ANKRD6: variants seen among roughly 807,000 people sequenced by gnomAD.
ANKRD6 encodes the protein ankyrin repeat domain-containing protein 6.
In ANKRD6, 56 loss-of-function variants were observed where a neutral mutation model predicts 82.3. The observed-to-expected ratio is 0.68, with a 90% CI of 0.55 to 0.85. The LOEUF is 0.85. Among genes scored for constraint, ANKRD6 ranks in the 40% least tolerant of loss-of-function variants. The pLI, the probability that ANKRD6 is intolerant of heterozygous loss-of-function variation, is 0.00. For synonymous variants in ANKRD6, 347 were observed against 352.1 expected (o/e 0.99, Z 0.16); for missense variants, 852 against 907.6 (o/e 0.94, Z 0.79).
intron 1 of ANKRD6, among the ~76,000 whole-genome samples, chr6:89,560,122 A>G (rs1024451629): frequency 2.0e-5 from 3 of 152,220 alleles, no homozygotes; most frequent in African/African-American, 7.2e-5. Flanking sequence ...CCTTGAGCCT[A>G]TAACAGCAAT....
At chr6:89,486,689 G>T (rs1777419143) in intron 1 of ANKRD6, among the ~76,000 whole-genome samples, 2 of 151,952 alleles carry the variant, frequency 1.3e-5, no homozygotes, top group African/African-American at 2.4e-5. Flanking sequence ...GCCTAGGCTG[G>T]TCTCAAACTC....
Position 89,482,042 on chromosome 6 carries a change from G to A in ANKRD6, c.-144+48667G>A, listed in dbSNP as rs533280291. On this transcript the variant is annotated intron_variant, in intron 1 of 15. Coordinates refer to ENST00000339746, the MANE Select transcript of ANKRD6 (RefSeq NM_001242809.2). ...GCCCCTCATAAGGTGGAAATAGCTG[G>A]TGTCCATCCAAGCCCCTGCTCACAC... Among the ~76,000 whole-genome samples the A allele has an allele frequency of 2.6e-5, 4 of 152,290 alleles. No individual in the cohort carries two copies. In the East Asian group the frequency reaches 5.8e-4, roughly 22 times the overall value.
chr6:89,631,122 A>G lies in ANKRD6; in HGVS notation c.*118A>G. The G allele has an allele frequency of 7.1e-7, 1 of 1,406,540 alleles. No homozygotes were observed. Among genetic ancestry groups the G allele is most frequent in the Non-Finnish European group, 9.2e-7 (1 of 1,084,294 alleles). 87.1% of individuals were successfully genotyped at this position (1,406,540 alleles called of 1,614,324 possible). Reference sequence around the variant, plus strand: ...ATTGCAGATTTGCCTTTTTAAAAAAATCACTAATTCTACAATGTGCCAGAT... The same window carrying G: ...ATTGCAGATTTGCCTTTTTAAAAAAGTCACTAATTCTACAATGTGCCAGAT... On this transcript the variant is annotated 3_prime_UTR_variant, in exon 16 of 16. Transcript: ENST00000339746.
intron 1 of ANKRD6, among the ~76,000 whole-genome samples, chr6:89,445,470 T>C (rs1010330709): frequency 1.3e-5 from 2 of 151,328 alleles, no homozygotes; most frequent in South Asian, 2.1e-4. Flanking sequence ...TTATTTGACA[T>C]GGAGTCTCCC....
intron 8 of ANKRD6, 150 bp downstream of exon 8, chr6:89,616,807 TGG>T: frequency 1.2e-6 from 1 of 815,654 alleles, no homozygotes; most frequent in South Asian, 1.4e-5. Context: ...GCCATTGGGG[TGG>T]ACTTGAAGGG....
intron 1 of ANKRD6, among the ~76,000 whole-genome samples, chr6:89,465,988 A>G (rs954449485): frequency 5.3e-5 from 8 of 152,248 alleles, no homozygotes; most frequent in African/African-American, 1.9e-4. Flanking sequence ...AGAAAAGCAG[A>G]TAATATAGGA....
intron 1 of ANKRD6, among the ~76,000 whole-genome samples, chr6:89,472,833 G>A (rs1379330587): frequency 2.0e-5 from 3 of 152,126 alleles, no homozygotes; most frequent in Non-Finnish European, 4.4e-5. Flanking sequence ...AGCCCCAGAG[G>A]AACGGTGGTC....
At chr6:89,601,467 C>A (rs1390067759) in intron 3 of ANKRD6, 1 of 151,868 alleles carries the variant, frequency 6.6e-6, no homozygotes, top group South Asian at 2.1e-4. Flanking sequence ...TAATAAGTAG[C>A]GGTTTTTCCT....
intron 1 of ANKRD6, among the ~76,000 whole-genome samples, chr6:89,480,937 G>A (rs1296068971): frequency 7.1e-3 from 6 of 850 alleles, no homozygotes; most frequent in Non-Finnish European, 0.016. Flanking sequence ...GTAAGACCCT[G>A]TCTCAAAAAA....
chr6:89,489,940 T>C (rs1777823517), intron 1 of ANKRD6, among the ~76,000 whole-genome samples: 1 of 152,238 alleles, frequency 6.6e-6, no homozygotes, highest in Non-Finnish European at 1.5e-5. Flanking sequence ...ACCAGAACTC[T>C]TAGGCCACTT....
At chr6:89,505,590 C>A (rs969873048) in intron 1 of ANKRD6, among the ~76,000 whole-genome samples, 9 of 152,352 alleles carry the variant, frequency 5.9e-5, no homozygotes, top group African/African-American at 2.2e-4. Context: ...TCTGCCACTA[C>A]AGTGCCTCCT....
intron 1 of ANKRD6, among the ~76,000 whole-genome samples, chr6:89,514,156 T>A (rs1780916602): frequency 6.6e-6 from 1 of 152,132 alleles, no homozygotes; most frequent in Non-Finnish European, 1.5e-5. Flanking sequence ...GGTGGGCAGA[T>A]CACATGAAGT....
chr6:89,528,775 A>C (rs545088226), intron 1 of ANKRD6, among the ~76,000 whole-genome samples: 1 of 152,226 alleles, frequency 6.6e-6, no homozygotes, highest in Non-Finnish European at 1.5e-5. Flanking sequence ...TGAAGGATGG[A>C]TGTTTTGTTT....
chr6:89,477,094 C>A (rs1032459102), intron 1 of ANKRD6, among the ~76,000 whole-genome samples: 9 of 151,978 alleles, frequency 5.9e-5, no homozygotes. Flanking sequence ...ACAGGCACCC[C>A]CTACCACGCC....
chr6:89,550,487 G>A (rs1409802363), intron 1 of ANKRD6, among the ~76,000 whole-genome samples: 2 of 152,132 alleles, frequency 1.3e-5, no homozygotes, highest in African/African-American at 4.8e-5. Context: ...AAACTGACCT[G>A]CAATATTAAA....
At chr6:89,445,739 T>C (rs142561901) in intron 1 of ANKRD6, among the ~76,000 whole-genome samples, 27 of 151,944 alleles carry the variant, frequency 1.8e-4, no homozygotes, top group Admixed American at 4.6e-4. Flanking sequence ...CCACTGCGCC[T>C]GGCTCAATTT....
chr6:89,588,346 C>T (rs1339654868), intron 2 of ANKRD6, among the ~76,000 whole-genome samples: 1 of 152,194 alleles, frequency 6.6e-6, no homozygotes, highest in Admixed American at 6.5e-5. Flanking sequence ...TTGCCTCCTA[C>T]TACCTCTCTC....
chr6:89,539,548 A>G (rs1002006430), intron 1 of ANKRD6, among the ~76,000 whole-genome samples: 5 of 152,082 alleles, frequency 3.3e-5, no homozygotes, highest in East Asian at 3.8e-4. Flanking sequence ...TTTTGTGGGT[A>G]TATAGTCTGT....
chr6:89,541,919 T>C (rs1784490877), intron 1 of ANKRD6, among the ~76,000 whole-genome samples: 1 of 151,870 alleles, frequency 6.6e-6, no homozygotes, highest in South Asian at 2.1e-4. Flanking sequence ...TTTCTAATAA[T>C]TGTCTGTATT....
Sources: allele counts gnomAD v4.1 joint callset (sites outside exome capture counted in the v4.1 genomes callset), GRCh38; gene constraint gnomAD v4.1.1; transcripts MANE v1.5; gene names NCBI Gene and HGNC (gene_info 2026-07-23, HGNC 2026-07-21).